Variants in NPAT observed in about 807,000 individuals in gnomAD.
The protein encoded by NPAT is nuclear protein, coactivator of histone transcription.
In NPAT, 52 loss-of-function variants were observed where a neutral mutation model predicts 130.7. The observed-to-expected ratio is 0.40, with a 90% confidence interval of 0.32 to 0.50. The LOEUF (loss-of-function observed/expected upper bound fraction) is 0.50. Ranked by LOEUF, NPAT falls within the 20% of genes least tolerant of loss-of-function variation. NPAT has a pLI of 0.68. For missense variants in NPAT, 1,687 were observed against 1,662.6 expected, an observed-to-expected ratio of 1.01 and a Z score of -0.26; for synonymous variants, 580 against 584.8, an observed-to-expected ratio of 0.99 and a Z score of 0.12.
chr11:108,212,478 T>C (rs1486581704), intron 1 of NPAT, among the ~76,000 whole-genome samples: 2 of 147,224 alleles, frequency 1.4e-5, no homozygotes, highest in East Asian at 2.0e-4. Flanking sequence ...TGAGCTGAGA[T>C]AGGGCCACTG....
At position 108,170,972 on chromosome 11, in the gene NPAT, AC is replaced by A. The variant is rs1384860447; in HGVS notation, c.2786-930del. Among the ~76,000 whole-genome samples, 8 of 152,184 alleles carry A rather than the reference AC, an allele frequency of 5.3e-5. No individual in the cohort carries two copies. The South Asian group carries it at 1.7e-3, about 32-fold the overall frequency. On this transcript the variant is annotated intron_variant, in intron 13 of 17. Coordinates refer to ENST00000278612, the MANE Select transcript of NPAT (RefSeq NM_002519.3). The stretch of plus-strand genomic sequence containing the variant: ...AAAGGGAAAAGAGGGAAGCTTGGGA[AC>A]CAACACATAAGGAAATGTAAATAAA...
chr11:108,210,255 A>G (rs561989612), intron 1 of NPAT, among the ~76,000 whole-genome samples: 2 of 152,282 alleles, frequency 1.3e-5, no homozygotes, highest in African/African-American at 2.4e-5. Context: ...CATGTAGTTT[A>G]GATGTTGCTC....
chr11:108,211,128 A>G (rs1309200048), intron 1 of NPAT, among the ~76,000 whole-genome samples: 1 of 152,140 alleles, frequency 6.6e-6, no homozygotes, highest in African/African-American at 2.4e-5. Context: ...CTGGGACAGA[A>G]TCGCTTGAAC....
At chr11:108,216,955 T>C (rs960318563) in intron 1 of NPAT, among the ~76,000 whole-genome samples, 1 of 152,214 alleles carries the variant, frequency 6.6e-6, no homozygotes, top group Non-Finnish European at 1.5e-5. Context: ...GATCATTATA[T>C]AGCAAGTCCT....
At chr11:108,181,539 T>C (rs1355525818) in intron 10 of NPAT, among the ~76,000 whole-genome samples, 1 of 152,144 alleles carries the variant, frequency 6.6e-6, no homozygotes, top group Non-Finnish European at 1.5e-5. Context: ...ATTACCAAAC[T>C]GTACACTTAG....
chr11:108,162,265 G>A (rs905307492), intron 15 of NPAT, 85 bp from the exon 16 acceptor site: 3 of 1,280,230 alleles, frequency 2.3e-6, no homozygotes, highest in African/African-American at 1.5e-5. Context: ...CACATATCAT[G>A]AGAAAAAATT....
At chr11:108,212,771 CCCGT>C in intron 1 of NPAT, among the ~76,000 whole-genome samples, 1 of 150,748 alleles carries the variant, frequency 6.6e-6, no homozygotes, top group South Asian at 2.1e-4. Context: ...ATGGTGAAAC[CCCGT>C]CTCTACTAAA....
At chr11:108,217,637 G>T (rs2078446158) in intron 1 of NPAT, among the ~76,000 whole-genome samples, 1 of 152,116 alleles carries the variant, frequency 6.6e-6, no homozygotes, top group Admixed American at 6.6e-5. Context: ...TCAGGTAACA[G>T]GAAATTTTAG....
rs957038827 is a variant in NPAT, at chr11:108,176,879, A to C, written c.1003+115T>G. 1.0e-5 allele frequency: 7 copies of C among 690,378 alleles called. No homozygotes were observed. In the African/African-American group the frequency reaches 1.1e-4, roughly 11 times the overall value. The allele number at this position is 690,378 out of a possible 1,614,324, so 42.8% of individuals were successfully genotyped here. A position where few individuals can be genotyped will look rare whatever the true frequency, so the allele number is the denominator to read the frequency against. On this transcript the variant is annotated intron_variant, in intron 11 of 17. Coordinates refer to ENST00000278612, the MANE Select transcript of NPAT (RefSeq NM_002519.3). ...AACATATCCATATAATGTTTGATGA[A>C]ATGAAAACAAGAACTTTTTTAGATA... is the stretch of plus-strand genomic sequence containing the variant.
chr11:108,182,638 T>C (rs1565315574), intron 10 of NPAT, among the ~76,000 whole-genome samples: 1 of 152,212 alleles, frequency 6.6e-6, no homozygotes, highest in East Asian at 1.9e-4. Context: ...GCTGGGATTA[T>C]AGGTGCATGC....
chr11:108,203,442 T>C (rs2078294009), intron 1 of NPAT, among the ~76,000 whole-genome samples: 1 of 152,114 alleles, frequency 6.6e-6, no homozygotes, highest in South Asian at 2.1e-4. Flanking sequence ...TGGCAGTAAA[T>C]GTCACTGGAA....
At chr11:108,203,160 G>T (rs1315761652) in intron 1 of NPAT, among the ~76,000 whole-genome samples, 4 of 152,132 alleles carry the variant, frequency 2.6e-5, no homozygotes, top group South Asian at 4.2e-4. Flanking sequence ...TTCAAAGCTG[G>T]GTTTAATTCC....
At position 108,161,564 on chromosome 11, in the gene NPAT, A is replaced by T; in HGVS notation, c.3522T>A (p.Asp1174Glu). 6.2e-7 allele frequency: 1 copy of T among 1,614,204 alleles called. No individual in the cohort carries two copies. Among genetic ancestry groups the T allele is most frequent in the Non-Finnish European group, 8.5e-7 (1 of 1,180,026 alleles). ...TTTCTGGATTTTTCTGTCTTTCTAC[A>T]TCGCTGCATAATTCATTCTCCTTAT... is the stretch of plus-strand genomic sequence containing the variant. ...TANKENELCS[D>E]VERQKNPENS... Residue 1174 changes from aspartate to glutamate, a missense_variant, in exon 17 of 18, where the codon GAT becomes GAA. This residue lies in a region of NPAT where 1,379 missense variants were observed against 1,346.6 expected (regional missense o/e 1.02). Transcript: ENST00000278612.
intron 15 of NPAT, among the ~76,000 whole-genome samples, chr11:108,165,471 TA>T (rs200345742): frequency 1.1e-3 from 102 of 92,264 alleles, no homozygotes; most frequent in South Asian, 1.2e-3. Context: ...TATATATATA[TA>T]TTTTTTTTTT....
Position 108,222,628 on chromosome 11 carries a change from G to A in NPAT, c.-92C>T. ...TCCTGCGCCGCATCTCCTGGTTCCAGTGGCGGCACTGAACTCGCGGCAATT... is the reference window on the plus strand; with the variant it reads ...TCCTGCGCCGCATCTCCTGGTTCCAATGGCGGCACTGAACTCGCGGCAATT... On this transcript the variant is annotated 5_prime_UTR_variant, in exon 1 of 18. Coordinates refer to ENST00000278612, the MANE Select transcript of NPAT (RefSeq NM_002519.3). The A allele has an allele frequency of 1.4e-6, 2 of 1,405,032 alleles. No homozygotes were observed. Among genetic ancestry groups the A allele is most frequent in the East Asian group, 2.4e-5 (1 of 42,040 alleles). 87.0% of individuals were successfully genotyped at this position (1,405,032 alleles called of 1,614,324 possible).
chr11:108,179,131 A>G (rs937817676), intron 10 of NPAT, among the ~76,000 whole-genome samples: 3 of 152,222 alleles, frequency 2.0e-5, no homozygotes, highest in African/African-American at 7.2e-5. Flanking sequence ...CAGAAAGGAC[A>G]GTGTCTTCAA....
intron 17 of NPAT, 143 bp downstream of exon 17, chr11:108,160,737 G>A: frequency 1.4e-6 from 1 of 731,260 alleles, no homozygotes. Context: ...CTGTGATCAT[G>A]GTTATGTATT....
intron 15 of NPAT, among the ~76,000 whole-genome samples, chr11:108,165,945 AT>A (rs1218223463): frequency 8.0e-6 from 1 of 124,710 alleles, no homozygotes; most frequent in African/African-American, 3.1e-5. Context: ...TACCTGGCTA[AT>A]TTTTTAAAAA....
chr11:108,192,229 G>C (rs779537859), intron 3 of NPAT, 39 bp from the exon 4 acceptor site: 42 of 1,306,630 alleles, frequency 3.2e-5, no homozygotes, highest in Non-Finnish European at 4.6e-5. Context: ...AAACCCAGCT[G>C]AAGAAATTTC....
Sources: allele counts gnomAD v4.1 joint callset (sites outside exome capture counted in the v4.1 genomes callset), GRCh38; gene constraint gnomAD v4.1.1; regional missense constraint gnomAD v4.1.1; transcripts MANE v1.5; gene names NCBI Gene and HGNC (gene_info 2026-07-23, HGNC 2026-07-21).